The following KCNH8 variants were observed in gnomAD, a reference collection of about 807,000 sequenced individuals.
KCNH8 encodes the protein voltage-gated delayed rectifier potassium channel KCNH8.
In KCNH8, 70 loss-of-function variants were observed where a neutral mutation model predicts 103.6. The ratio of observed to expected loss-of-function variants is 0.68; its 90% CI spans 0.56 to 0.82. The LOEUF (loss-of-function observed/expected upper bound fraction) is 0.82, where lower values mean the gene tolerates loss of function less well. Ranked by LOEUF, KCNH8 falls within the 40% of genes least tolerant of loss-of-function variation. The probability of loss-of-function intolerance (pLI) is 0.00; values close to 1 mark genes in which losing one functional copy is unlikely to be tolerated. For missense variants in KCNH8, 1,217 were observed against 1,329.9 expected, an observed-to-expected ratio of 0.92 and a Z score of 1.32; for synonymous variants, 498 against 489.4, an observed-to-expected ratio of 1.02 and a Z score of -0.23.
chr3:19,319,428 T>A (rs1400228949), intron 3 of KCNH8, among the ~76,000 whole-genome samples: 1 of 152,094 alleles, frequency 6.6e-6, no homozygotes, highest in African/African-American at 2.4e-5. Flanking sequence ...GGGTGTCCTT[T>A]CCCCACTTTA....
At chr3:19,505,893 CTGAGT>C (rs2068683260) in intron 11 of KCNH8, among the ~76,000 whole-genome samples, 1 of 152,064 alleles carries the variant, frequency 6.6e-6, no homozygotes, top group African/African-American at 2.4e-5. Flanking sequence ...TTCTGTTTTA[CTGAGT>C]TATTTCAGTG....
chr3:19,329,323 C>T (rs1394118719), intron 3 of KCNH8, among the ~76,000 whole-genome samples: 3 of 152,120 alleles, frequency 2.0e-5, no homozygotes, highest in Non-Finnish European at 2.9e-5. Flanking sequence ...TTTGATATTA[C>T]TATAACTTTA....
At chr3:19,373,003 T>C (rs1173518239) in intron 5 of KCNH8, among the ~76,000 whole-genome samples, 1 of 151,898 alleles carries the variant, frequency 6.6e-6, no homozygotes, top group African/African-American at 2.4e-5. Flanking sequence ...TGCTGCTGGA[T>C]TCGTTTTGCC....
intron 8 of KCNH8, among the ~76,000 whole-genome samples, chr3:19,439,445 G>T (rs1344115659): frequency 6.6e-6 from 1 of 152,176 alleles, no homozygotes; most frequent in Non-Finnish European, 1.5e-5. Flanking sequence ...GAGATGGGAA[G>T]ACTTGACAAG....
chr3:19,415,925 C>T (rs1210600152), intron 7 of KCNH8, among the ~76,000 whole-genome samples: 2 of 151,966 alleles, frequency 1.3e-5, no homozygotes, highest in Non-Finnish European at 2.9e-5. Flanking sequence ...TTTTAATTTC[C>T]ATTTCCCTGA....
chr3:19,450,515 A>G (rs2067431352), intron 9 of KCNH8: 2 of 565,234 alleles, frequency 3.5e-6, no homozygotes, highest in African/African-American at 3.8e-5. Flanking sequence ...GAAGTTTTAT[A>G]TTAACTTGCT....
At chr3:19,261,727 A>T (rs1024196725) in intron 2 of KCNH8, among the ~76,000 whole-genome samples, 34 of 151,662 alleles carry the variant, frequency 2.2e-4, no homozygotes, top group Non-Finnish European at 5.9e-5. Context: ...TAAGTGTTTT[A>T]TGGTTTCAGG....
At chr3:19,380,717 G>A (rs1025571444) in intron 5 of KCNH8, among the ~76,000 whole-genome samples, 2 of 152,240 alleles carry the variant, frequency 1.3e-5, no homozygotes, top group East Asian at 3.8e-4. Flanking sequence ...CATAGCTAGA[G>A]TGAAGAGCAC....
At chr3:19,436,409 C>T (rs1466259780) in intron 7 of KCNH8, among the ~76,000 whole-genome samples, 1 of 152,146 alleles carries the variant, frequency 6.6e-6, no homozygotes, top group African/African-American at 2.4e-5. Context: ...TGTAACAGTA[C>T]AGTCACATGT....
intron 11 of KCNH8, among the ~76,000 whole-genome samples, chr3:19,498,183 CT>C (rs2068486571): frequency 6.6e-6 from 1 of 152,144 alleles, no homozygotes. Flanking sequence ...TGTATTGCTT[CT>C]TTCTCCGTGT....
At chr3:19,401,008 T>A (rs969228674) in intron 7 of KCNH8, among the ~76,000 whole-genome samples, 4 of 151,900 alleles carry the variant, frequency 2.6e-5, no homozygotes, top group African/African-American at 4.8e-5. Context: ...GAGGAAAAAA[T>A]CTAAAATGAA....
At chr3:19,242,398 G>A (rs1174238823) in intron 1 of KCNH8, among the ~76,000 whole-genome samples, 1 of 152,056 alleles carries the variant, frequency 6.6e-6, no homozygotes, top group Non-Finnish European at 1.5e-5. Flanking sequence ...GATAGAGGGG[G>A]ATTAAAGGAT....
intron 7 of KCNH8, among the ~76,000 whole-genome samples, chr3:19,402,048 C>A (rs998978052): frequency 2.6e-5 from 4 of 151,894 alleles, no homozygotes; most frequent in Non-Finnish European, 5.9e-5. Flanking sequence ...AACAAAGATT[C>A]TGTTATCATG....
At chr3:19,498,755 T>C (rs2068504997) in intron 11 of KCNH8, among the ~76,000 whole-genome samples, 1 of 152,174 alleles carries the variant, frequency 6.6e-6, no homozygotes, top group Non-Finnish European at 1.5e-5. Flanking sequence ...CAGATGGGTT[T>C]TTTGGTGTGG....
rs548220210 is a variant in KCNH8 at position 19,257,828 on chromosome 3, G to A, written c.310+3941G>A. ...CAGAAATCTGTTATCTCATAGTTCC[G>A]GAAGCTAGTAGTTCCTCTAGATGAT... is the stretch of plus-strand genomic sequence containing the variant. On this transcript the variant is annotated intron_variant, in intron 2 of 15. Coordinates refer to ENST00000328405, the MANE Select transcript of KCNH8 (RefSeq NM_144633.3). Among the ~76,000 whole-genome samples, 9 of 152,116 alleles carry A rather than the reference G, an allele frequency of 5.9e-5. No individual in the cohort carries two copies. The South Asian group carries it at 1.7e-3, about 28-fold the overall frequency.
chr3:19,320,811 G>T (rs1379592410), intron 3 of KCNH8, among the ~76,000 whole-genome samples: 1 of 151,596 alleles, frequency 6.6e-6, no homozygotes, highest in Non-Finnish European at 1.5e-5. Context: ...TCTGGTCCTG[G>T]AATTTTTTTT....
At chr3:19,358,272 T>C (rs1307220730) in intron 5 of KCNH8, among the ~76,000 whole-genome samples, 1 of 147,490 alleles carries the variant, frequency 6.8e-6, no homozygotes, top group Non-Finnish European at 1.5e-5. Context: ...TTTTTTTCCT[T>C]CTTCTCTCTT....
chr3:19,156,774 A>G (rs1298777263), intron 1 of KCNH8, among the ~76,000 whole-genome samples: 2 of 152,014 alleles, frequency 1.3e-5, no homozygotes, highest in African/African-American at 2.4e-5. Context: ...ATCATTTTGG[A>G]TATTTACCTT....
chr3:19,464,569 C>G (rs1199878022), intron 11 of KCNH8, among the ~76,000 whole-genome samples: 2 of 151,864 alleles, frequency 1.3e-5, no homozygotes, highest in Non-Finnish European at 2.9e-5. Context: ...CAAAAGACAG[C>G]AGTAACAGAA....
Sources: allele counts gnomAD v4.1 joint callset (sites outside exome capture counted in the v4.1 genomes callset), GRCh38; gene constraint gnomAD v4.1.1; transcripts MANE v1.5; gene names NCBI Gene and HGNC (gene_info 2026-07-23, HGNC 2026-07-21).